Variants in NFIA observed in about 807,000 individuals in gnomAD.
The protein encoded by NFIA is nuclear factor I A.
Under a neutral mutation model 62.8 loss-of-function variants are expected in NFIA, and 8 were observed. The ratio of observed to expected loss-of-function variants is 0.13; its 90% CI spans 0.07 to 0.23. The LOEUF is 0.23. Ranked by LOEUF, NFIA falls within the 10% of genes least tolerant of loss-of-function variation. The pLI is 1.00. For missense variants in NFIA, 410 were observed against 642.1 expected, an observed-to-expected ratio of 0.64 and a Z score of 3.91; for synonymous variants, 235 against 238.1, an observed-to-expected ratio of 0.99 and a Z score of 0.12.
intron 2 of NFIA, among the ~76,000 whole-genome samples, chr1:61,140,965 G>GTTTTTTTTTTT (rs35173386): frequency 3.4e-5 from 3 of 88,596 alleles, no homozygotes; most frequent in Admixed American, 1.6e-4. Context: ...CCACAGCTGG[G>GTTTTTTTTTTT]TTTTTTTTTT....
intron 2 of NFIA, among the ~76,000 whole-genome samples, chr1:61,179,427 T>A (rs1650604202): frequency 6.6e-6 from 1 of 152,166 alleles, no homozygotes; most frequent in African/African-American, 2.4e-5. Flanking sequence ...TTTGTTCGAG[T>A]CTCAGTTTTC....
intron 2 of NFIA, among the ~76,000 whole-genome samples, chr1:61,248,206 A>G (rs1655775834): frequency 6.6e-6 from 1 of 152,170 alleles, no homozygotes; most frequent in Admixed American, 6.5e-5. Context: ...CTGCATAATT[A>G]ACCATAATAA....
At chr1:61,408,388 GTATT>G (rs34339192) in intron 9 of NFIA, among the ~76,000 whole-genome samples, 1,851 of 152,268 alleles carry the variant, frequency 0.012, 91 homozygotes, top group East Asian at 0.12. Flanking sequence ...TGCTCGTTGT[GTATT>G]TATGTAACAT....
intron 2 of NFIA, among the ~76,000 whole-genome samples, chr1:61,136,472 G>A (rs986179733): frequency 1.3e-5 from 2 of 152,096 alleles, no homozygotes; most frequent in Non-Finnish European, 2.9e-5. Context: ...TCAACATTAG[G>A]GCTAATAAAA....
chr1:61,207,493 C>T (rs1010227595), intron 2 of NFIA, among the ~76,000 whole-genome samples: 12 of 152,170 alleles, frequency 7.9e-5, no homozygotes, highest in Non-Finnish European at 1.8e-4. Flanking sequence ...CCAGCTCCCC[C>T]AGTGTGGTAG....
At chr1:61,249,186 A>G (rs190179383) in intron 2 of NFIA, 2 of 152,344 alleles carry the variant, frequency 1.3e-5, no homozygotes, top group Admixed American at 6.5e-5. Flanking sequence ...TTTTAAAACA[A>G]TTTATAAAAG....
chr1:61,199,865 C>T lies in NFIA; in HGVS notation c.560-77655C>T, dbSNP rs1223352528. The stretch of plus-strand genomic sequence containing the variant: ...CAAAAATTAGCCGGGCGTGGTTGTG[C>T]GTGCCTGTAATCGCAGCTACTCTGG... On this transcript the variant is annotated intron_variant, in intron 2 of 10. Coordinates refer to ENST00000403491, the MANE Select transcript of NFIA (RefSeq NM_001134673.4). 4.6e-5 allele frequency among the ~76,000 whole-genome samples: 7 copies of T among 150,990 alleles called. No individual in the cohort carries two copies. The East Asian group carries it at 1.2e-3, about 25-fold the overall frequency.
chr1:61,154,414 C>T (rs941143553), intron 2 of NFIA, among the ~76,000 whole-genome samples: 1 of 152,166 alleles, frequency 6.6e-6, no homozygotes, highest in African/African-American at 2.4e-5. Context: ...CCTTGGCCTC[C>T]CAAAGTGCTG....
At position 61,425,634 on chromosome 1, in the gene NFIA, G is replaced by T. The variant is rs114865534; in HGVS notation, c.1421-831G>T. On this transcript the variant is annotated intron_variant, in intron 9 of 10. Coordinates refer to ENST00000403491, the MANE Select transcript of NFIA (RefSeq NM_001134673.4). ...CACCAAAAAACAAAATGTACCTTTG[G>T]ATTTATGAGCCAGTGAAACAACAAA... Among the ~76,000 whole-genome samples the T allele has an allele frequency of 3.7e-3, 557 of 152,232 alleles. 5 individuals are homozygous for T. Among genetic ancestry groups the T allele is most frequent in the African/African-American group, 0.013 (530 of 41,542 alleles).
intron 7 of NFIA, 98 bp downstream of exon 7, chr1:61,383,463 G>A (rs559917945): frequency 1.2e-5 from 16 of 1,390,246 alleles, no homozygotes; most frequent in Admixed American, 4.2e-5. Context: ...CTGAACACTC[G>A]TGAGGCAGTG....
At chr1:61,264,583 G>A (rs1033127460) in intron 2 of NFIA, among the ~76,000 whole-genome samples, 7 of 139,632 alleles carry the variant, frequency 5.0e-5, no homozygotes, top group Non-Finnish European at 9.0e-5. Flanking sequence ...CCCGGAAGGC[G>A]AAGGTTGCAG....
intron 3 of NFIA, among the ~76,000 whole-genome samples, chr1:61,289,061 C>A (rs752342462): frequency 1.6e-4 from 24 of 152,274 alleles, no homozygotes; most frequent in Admixed American, 6.5e-4. Flanking sequence ...TGAGCCACTG[C>A]GCCTGGAGTA....
rs540883382 is a variant in NFIA, at chr1:61,292,067, C to T, written c.625+14482C>T. On this transcript the variant is annotated intron_variant, in intron 3 of 10. Transcript: ENST00000403491. ...GAATTCCACATTTTCCTCAGGATAC[C>T]TCGCAGACCATGGGTGACACATGAC... Among the ~76,000 whole-genome samples the T allele has an allele frequency of 1.1e-4, 17 of 152,230 alleles. No individual in the cohort carries two copies. In the South Asian group the frequency reaches 2.3e-3, roughly 20 times the overall value.
chr1:61,196,908 TG>T (rs1652042192), intron 2 of NFIA, among the ~76,000 whole-genome samples: 1 of 54,466 alleles, frequency 1.8e-5, no homozygotes, highest in African/African-American at 3.0e-4. Context: ...AGTGTGTGTG[TG>T]TGTGTGTGTG....
At chr1:61,163,844 A>G (rs1306924214) in intron 2 of NFIA, among the ~76,000 whole-genome samples, 1 of 152,226 alleles carries the variant, frequency 6.6e-6, no homozygotes, top group East Asian at 1.9e-4. Context: ...GAAGTAGGCC[A>G]TAGACATAGC....
intron 10 of NFIA, among the ~76,000 whole-genome samples, chr1:61,430,441 C>T (rs1289479611): frequency 6.6e-6 from 1 of 152,190 alleles, no homozygotes; most frequent in African/African-American, 2.4e-5. Context: ...TCTGTGCATA[C>T]AAATATATTG....
At chr1:61,434,551 C>T (rs897055878) in intron 10 of NFIA, among the ~76,000 whole-genome samples, 5 of 152,150 alleles carry the variant, frequency 3.3e-5, no homozygotes, top group Admixed American at 2.6e-4. Context: ...ACATCCTTGG[C>T]CACAAACTTC....
intron 3 of NFIA, among the ~76,000 whole-genome samples, chr1:61,318,906 A>G (rs1240182847): frequency 6.6e-6 from 1 of 152,192 alleles, no homozygotes; most frequent in Non-Finnish European, 1.5e-5. Flanking sequence ...ATCCAGAGCT[A>G]AAAGAGTTAG....
chr1:61,427,228 G>A (rs1193918653), intron 10 of NFIA, among the ~76,000 whole-genome samples: 1 of 152,090 alleles, frequency 6.6e-6, no homozygotes, highest in Non-Finnish European at 1.5e-5. Flanking sequence ...TCTAGGTCAA[G>A]GAGAAGAAAT....
Sources: gnomAD v4.1 joint callset for allele counts (sites outside exome capture counted in the v4.1 genomes callset) on GRCh38, gnomAD v4.1.1 for gene constraint, MANE v1.5 for transcripts, NCBI Gene and HGNC (gene_info 2026-07-23, HGNC 2026-07-21) for gene names.